The following ZNF44 variants were observed in gnomAD, a reference collection of about 807,000 sequenced individuals.
ZNF44 encodes the protein gonadotropin inducible transcription repressor-2.
ZNF44 carries 9 observed loss-of-function variants against 11.7 expected under a neutral mutation model. That is an observed-to-expected ratio of 0.77 (90% CI 0.46 to 1.35). The LOEUF (loss-of-function observed/expected upper bound fraction) is 1.35, where lower values mean the gene tolerates loss of function less well. Ranked by LOEUF, ZNF44 falls within the 40% of genes most tolerant of loss-of-function variation. The probability of loss-of-function intolerance (pLI) is 0.00; values close to 1 mark genes in which losing one functional copy is unlikely to be tolerated. For synonymous variants in ZNF44, 224 were observed against 242.7 expected (o/e 0.92, Z 0.72); for missense variants, 696 against 743.1 (o/e 0.94, Z 0.74).
At chr19:12,253,702 G>A (rs1046654084) in intron 5 of ZNF44, among the ~76,000 whole-genome samples, 3 of 151,996 alleles carry the variant, frequency 2.0e-5, no homozygotes, top group African/African-American at 2.4e-5. Context: ...AGGACAGGCC[G>A]AGTACAGTGG....
exon 8 of ZNF44, chr19:12,248,146 C>A: frequency 6.9e-6 from 9 of 1,302,574 alleles, no homozygotes; most frequent in Non-Finnish European, 9.1e-6. Flanking sequence ...CTTTCATGTG[C>A]TCGAGCAGAA....
intron 5 of ZNF44, among the ~76,000 whole-genome samples, chr19:12,257,556 G>A (rs376473217): frequency 1.5e-4 from 23 of 151,522 alleles, no homozygotes; most frequent in African/African-American, 5.6e-4. Flanking sequence ...GGGAGGCCGG[G>A]GCAGGTGGAT....
At chr19:12,237,769 T>TCCC (rs1916449225), upstream of ZNF44, 2 of 84,302 alleles carry the variant, frequency 2.4e-5, no homozygotes, top group African/African-American at 8.7e-5. Context: ...GCAACAGCCC[T>TCCC]CCCACCCCCC....
downstream of ZNF44, among the ~76,000 whole-genome samples, chr19:12,246,845 G>GC (rs1201998007): frequency 6.7e-6 from 1 of 150,264 alleles, no homozygotes; most frequent in Non-Finnish European, 1.5e-5. Context: ...GGGCAACATG[G>GC]CAAGACCCAT....
rs920558594 is a variant in ZNF44 at position 12,260,547 on chromosome 19, C to T, written c.1913-10179G>A. On this transcript the variant is annotated intron_variant and NMD_transcript_variant, in intron 5 of 7. Transcript: ENST00000393337. ...CACCAAGAGCTCCTGAGCCCCCTGC[C>T]CCCAAAGCAATAAAGAGTCAGCTGG... The T allele has an allele frequency of 1.7e-4, 144 of 834,588 alleles. 1 individual carries two copies. The highest frequency in any genetic ancestry group is 6.0e-5 in the Non-Finnish European group (31 of 512,812). 51.7% of individuals were successfully genotyped at this position (834,588 alleles called of 1,614,324 possible). A position where few individuals can be genotyped will look rare whatever the true frequency, so the allele number is the denominator to read the frequency against.
rs759885380 is a variant in ZNF44, at chr19:12,273,885, C to A, written c.370G>T (p.Val124Phe). 6.2e-7 allele frequency: 1 copy of A among 1,614,066 alleles called. No individual in the cohort carries two copies. Among genetic ancestry groups the A allele is most frequent in the African/African-American group, 1.3e-5 (1 of 74,932 alleles). The change falls in exon 4 of 4, where the codon GTT becomes TTT. Residue 124 changes from valine to phenylalanine, a missense_variant. Coordinates refer to ENST00000355684, the MANE Select transcript of ZNF44 (RefSeq NM_016264.4). ...GHSSLNCYIR[V>F]DTGHKHRECH... ...TCCCGGTGTTTGTGTCCAGTATCAA[C>A]TCTGATGTAGCAATTCAGGGATGAA...
At chr19:12,268,009 G>T (rs1274094977), downstream of ZNF44, among the ~76,000 whole-genome samples, 17 of 151,584 alleles carry the variant, frequency 1.1e-4, no homozygotes, top group Admixed American at 1.1e-3. Context: ...GCTAATTTTT[G>T]TATTTTTAAC....
Position 12,278,189 on chromosome 19 carries a change from C to T in ZNF44, c.4-2107G>A, listed in dbSNP as rs946995230. On this transcript the variant is annotated intron_variant, in intron 1 of 3. Coordinates refer to ENST00000355684, the MANE Select transcript of ZNF44 (RefSeq NM_016264.4). ...GAAAACTGCTTAAGGCGTTCCTGAA[C>T]CACAAACAATAGCATGGGCCATCTG... 3.3e-5 allele frequency among the ~76,000 whole-genome samples: 5 copies of T among 152,222 alleles called. No individual in the cohort carries two copies. In the East Asian group the frequency reaches 5.8e-4, roughly 18 times the overall value.
At position 12,233,900 on chromosome 19, in the gene ZNF44, A is replaced by G. The variant is rs375159480; in HGVS notation, n.380+767T>C. On this transcript the variant is annotated intron_variant and non_coding_transcript_variant, in intron 2 of 3. Transcript: ENST00000597563. ...AACATGATAAAACCCTGTCTCTACT[A>G]AAAATACAAAAATTAGCCGGGCATG... Among the ~76,000 whole-genome samples, 15 of 152,228 alleles carry G rather than the reference A, an allele frequency of 9.9e-5. No individual in the cohort carries two copies. The East Asian group carries it at 1.9e-3, about 20-fold the overall frequency.
intron 1 of ZNF44, among the ~76,000 whole-genome samples, chr19:12,280,446 A>C (rs989223073): frequency 6.6e-6 from 1 of 152,186 alleles, no homozygotes; most frequent in African/African-American, 2.4e-5. Flanking sequence ...CACTAATAGA[A>C]TCTAAGAAAA....
chr19:12,257,601 C>T (rs1421490082), intron 5 of ZNF44, among the ~76,000 whole-genome samples: 2 of 145,510 alleles, frequency 1.4e-5, no homozygotes, highest in East Asian at 4.2e-4. Flanking sequence ...GCCTGGCCAA[C>T]ATGGTGAAAC....
chr19:12,247,102 A>G (rs1374468969), downstream of ZNF44, among the ~76,000 whole-genome samples: 4 of 152,034 alleles, frequency 2.6e-5, no homozygotes, highest in Admixed American at 2.0e-4. Context: ...ACTGATAAAT[A>G]CATTTATAAT....
chr19:12,267,043 C>CTTTTCTT (rs1490067669), downstream of ZNF44, among the ~76,000 whole-genome samples: 34 of 139,802 alleles, frequency 2.4e-4, no homozygotes, highest in Non-Finnish European at 3.0e-4. Flanking sequence ...TTTCTTTTTT[C>CTTTTCTT]TTTTTTTTTT....
intron 1 of ZNF44, among the ~76,000 whole-genome samples, chr19:12,286,827 T>C (rs1967775349): frequency 6.6e-6 from 1 of 151,464 alleles, no homozygotes; most frequent in South Asian, 2.1e-4. Context: ...GGTGCACACC[T>C]GTAGTCCCAG....
chr19:12,232,556 T>C (rs77758690), intron 2 of ZNF44, among the ~76,000 whole-genome samples: 1 of 152,212 alleles, frequency 6.6e-6, no homozygotes, highest in Non-Finnish European at 1.5e-5. Context: ...TTAACGAGCA[T>C]GCTGCCTTCA....
chr19:12,267,379 CCAA>C (rs1436607811), downstream of ZNF44, among the ~76,000 whole-genome samples: 1 of 151,976 alleles, frequency 6.6e-6, no homozygotes, highest in African/African-American at 2.4e-5. Flanking sequence ...TTAAAACACA[CCAA>C]CAAGGGAATA....
At chr19:12,278,327 GCTTA>G (rs1967319496) in intron 1 of ZNF44, among the ~76,000 whole-genome samples, 1 of 152,164 alleles carries the variant, frequency 6.6e-6, no homozygotes. Flanking sequence ...CTTATCACTG[GCTTA>G]CTGTCAATAA....
chr19:12,248,495 G>A, exon 8 of ZNF44: 1 of 1,290,858 alleles, frequency 7.7e-7, no homozygotes, highest in East Asian at 5.5e-5. Context: ...TGTGTCTGGT[G>A]TAAGATCTAA....
chr19:12,285,714 A>C lies in ZNF44; in HGVS notation c.3+8978T>G, dbSNP rs567569071. Among the ~76,000 whole-genome samples, 7 of 152,288 alleles carry C rather than the reference A, an allele frequency of 4.6e-5. No homozygotes were observed. In the South Asian group the frequency reaches 1.2e-3, roughly 27 times the overall value. The stretch of plus-strand genomic sequence containing the variant: ...AATAACATTGTCAACAACATCAAAA[A>C]ATTAACTTAAAAGTCAAGTCCTGGC... On this transcript the variant is annotated intron_variant, in intron 1 of 3. Coordinates refer to ENST00000355684, the MANE Select transcript of ZNF44 (RefSeq NM_016264.4).
Sources: allele counts gnomAD v4.1 joint callset (sites outside exome capture counted in the v4.1 genomes callset), GRCh38; gene constraint gnomAD v4.1.1; transcripts MANE v1.5; gene names NCBI Gene and HGNC (gene_info 2026-07-23, HGNC 2026-07-21).